The following ACSM3 variants were observed in gnomAD, a reference collection of about 807,000 sequenced individuals.
ACSM3 encodes the protein acyl-CoA synthetase medium chain family member 3.
In ACSM3, 61 loss-of-function variants were observed where a neutral mutation model predicts 74.1. The ratio of observed to expected loss-of-function variants is 0.82; its 90% CI spans 0.67 to 1.02. ACSM3 has a LOEUF of 1.02. Among genes scored for constraint, ACSM3 ranks in the 50% least tolerant of loss-of-function variants. The pLI is 0.00. For synonymous variants in ACSM3, 213 were observed against 241.5 expected (o/e 0.88, Z 1.09); for missense variants, 660 against 697.0 (o/e 0.95, Z 0.60).
At chr16:20,741,571 A>T in intron 1 of ACSM3, 1 of 1,495,734 alleles carries the variant, frequency 6.7e-7, no homozygotes, top group Non-Finnish European at 9.0e-7. Flanking sequence ...TCCTCCACGC[A>T]CTTGCGCTCG....
At chr16:20,755,619 A>G (rs1359341413) in intron 3 of ACSM3, 1 of 113,252 alleles carries the variant, frequency 8.8e-6, no homozygotes, top group Non-Finnish European at 2.0e-5. Context: ...CTGAAGTGGT[A>G]AGTGCTTTTT....
At chr16:20,789,136 C>G (rs2080538090) in intron 9 of ACSM3, among the ~76,000 whole-genome samples, 1 of 152,112 alleles carries the variant, frequency 6.6e-6, no homozygotes, top group Non-Finnish European at 1.5e-5. Flanking sequence ...AAATGCTAAT[C>G]TGATTTTTTT....
At chr16:20,711,773 A>AC in intron 1 of ACSM3, 1 of 367,214 alleles carries the variant, frequency 2.7e-6, no homozygotes, top group South Asian at 2.3e-5. Flanking sequence ...ACTCAGGAAC[A>AC]CTGTGAGTTG....
At chr16:20,678,011 AAAATAAATAAATAAATAAAT>A (rs146714630) in intron 1 of ACSM3, among the ~76,000 whole-genome samples, 4 of 143,762 alleles carry the variant, frequency 2.8e-5, no homozygotes, top group Non-Finnish European at 6.0e-5. Context: ...ACTAAAGGCT[AAAATAAATAAATAAATAAAT>A]AAATAAATAA....
intron 1 of ACSM3, among the ~76,000 whole-genome samples, chr16:20,739,991 T>C (rs2152420720): frequency 6.6e-6 from 1 of 152,356 alleles, no homozygotes; most frequent in South Asian, 2.1e-4. Flanking sequence ...ACCAGGTATC[T>C]GTGTGCCTCA....
intron 1 of ACSM3, among the ~76,000 whole-genome samples, chr16:20,705,612 T>TAAAA (rs1453985184): frequency 6.6e-6 from 1 of 151,920 alleles, no homozygotes; most frequent in Admixed American, 6.6e-5. Flanking sequence ...AAGAAATGAA[T>TAAAA]AAACAAAACA....
intron 1 of ACSM3, chr16:20,736,762 A>C (rs938601456): frequency 4.0e-6 from 4 of 1,001,498 alleles, no homozygotes. Context: ...CTACTGTGAG[A>C]ACAGCATAAT....
intron 1 of ACSM3, among the ~76,000 whole-genome samples, chr16:20,741,025 G>C (rs888218207): frequency 6.6e-6 from 1 of 152,258 alleles, no homozygotes; most frequent in East Asian, 1.9e-4. Flanking sequence ...AGCACCTTGA[G>C]AGGCAGAGAC....
At chr16:20,762,949 C>T (rs181803400), upstream of ACSM3, among the ~76,000 whole-genome samples, 2 of 152,224 alleles carry the variant, frequency 1.3e-5, no homozygotes, top group East Asian at 1.9e-4. Flanking sequence ...GGAAATAAAA[C>T]GCATATAGAT....
intron 4 of ACSM3, chr16:20,779,806 C>G (rs2080313359): frequency 6.4e-6 from 1 of 156,140 alleles, no homozygotes; most frequent in African/African-American, 2.5e-5. Context: ...GAGTCTTTCT[C>G]TGTCACCCAG....
At chr16:20,780,260 G>A (rs2080324004) in intron 4 of ACSM3, 3 of 214,638 alleles carry the variant, frequency 1.4e-5, no homozygotes, top group Non-Finnish European at 2.8e-5. Context: ...AGGCTGTAGT[G>A]TGTTGGCCCA....
At position 20,734,129 on chromosome 16, in the gene ACSM3, T is replaced by C. The variant is rs1058902; in HGVS notation, c.-189-15781T>C. 65,100 of 152,370 alleles carry C rather than the reference T, an allele frequency of 0.43. 16,453 individuals carry two copies. The highest frequency in any genetic ancestry group is 0.58 in the Non-Finnish European group (39,602 of 67,940). The allele number at this position is 152,370 out of a possible 1,614,324, so 9.4% of individuals were successfully genotyped here. ...AAATACAAATAAATATAAAAGACAA[T>C]TTAAAAACAAACTGTATAATCAAAA... On this transcript the variant is annotated intron_variant, in intron 1 of 3. Transcript: ENST00000561584.
At position 20,780,833 on chromosome 16, in the gene ACSM3, G is replaced by T. The variant is rs1278090338; in HGVS notation, c.758G>T (p.Gly253Val). 13 of 1,614,228 alleles carry T rather than the reference G, an allele frequency of 8.1e-6. No homozygotes were observed. Among genetic ancestry groups the T allele is most frequent in the Non-Finnish European group, 1.1e-5 (13 of 1,180,034 alleles). ...ACTGCACACACCCACAGCAGTTTTG[G>T]TTTAGGATTATCTGTAAATGGAAGG... ...KMTAHTHSSF[G>V]LGLSVNGRFW... Residue 253 changes from glycine to valine, a missense_variant, in exon 5 of 14, where the codon GGT becomes GTT. Physicochemically the swap from Gly to Val is moderately radical, Grantham distance 109. Transcript: ENST00000289416.
intron 1 of ACSM3, among the ~76,000 whole-genome samples, chr16:20,727,799 C>T (rs1462007824): frequency 6.6e-6 from 1 of 152,250 alleles, no homozygotes; most frequent in East Asian, 1.9e-4. Context: ...GAATTTATTC[C>T]AGGGTGCACT....
intron 2 of ACSM3, among the ~76,000 whole-genome samples, chr16:20,773,537 G>T (rs1254700128): frequency 6.6e-6 from 1 of 152,030 alleles, no homozygotes; most frequent in African/African-American, 2.4e-5. Context: ...TTATTTCATT[G>T]ATTTTGATAT....
chr16:20,737,745 A>C (rs2079882745), intron 1 of ACSM3: 1 of 1,613,520 alleles, frequency 6.2e-7, no homozygotes, highest in African/African-American at 1.3e-5. Context: ...TATTCACATG[A>C]CTGTTATTTC....
At chr16:20,773,872 G>C (rs953849815) in intron 2 of ACSM3, among the ~76,000 whole-genome samples, 3 of 152,152 alleles carry the variant, frequency 2.0e-5, no homozygotes, top group Non-Finnish European at 2.9e-5. Flanking sequence ...TATCTGCGAG[G>C]TCCATTTGGT....
intron 1 of ACSM3, among the ~76,000 whole-genome samples, chr16:20,687,871 G>T (rs991937094): frequency 6.6e-6 from 1 of 152,084 alleles, no homozygotes; most frequent in Admixed American, 6.5e-5. Context: ...ATCACTTGAG[G>T]TCAGGAGTTT....
chr16:20,731,487 T>C (rs573063836), intron 1 of ACSM3: 4 of 211,258 alleles, frequency 1.9e-5, no homozygotes, highest in East Asian at 2.7e-4. Context: ...CCAAGCTTTG[T>C]TCAGAAGCAA....
Sources: gnomAD v4.1 joint callset for allele counts (sites outside exome capture counted in the v4.1 genomes callset) on GRCh38, gnomAD v4.1.1 for gene constraint, MANE v1.5 for transcripts, NCBI Gene and HGNC (gene_info 2026-07-23, HGNC 2026-07-21) for gene names.